The following GRIK2 variants were observed in gnomAD, a reference collection of about 807,000 sequenced individuals.
The protein encoded by GRIK2 is glutamate ionotropic receptor kainate type subunit 2, also known as glutamate receptor ionotropic, kainate 2.
Under a neutral mutation model 100.3 loss-of-function variants are expected in GRIK2, and 32 were observed. The ratio of observed to expected loss-of-function variants is 0.32; its 90% CI spans 0.24 to 0.43. The LOEUF (loss-of-function observed/expected upper bound fraction) is 0.43, where lower values mean the gene tolerates loss of function less well. GRIK2 is among the 20% of genes least tolerant of loss of function. GRIK2 has a pLI of 1.00. For missense variants in GRIK2, 843 were observed against 1,114.9 expected (o/e 0.76, Z 3.47); for synonymous variants, 417 against 389.4 (o/e 1.07, Z -0.83).
intron 14 of GRIK2, among the ~76,000 whole-genome samples, chr6:101,981,180 A>G (rs2128489347): frequency 6.6e-6 from 1 of 151,860 alleles, no homozygotes; most frequent in South Asian, 2.1e-4. Context: ...CACTCCTTCT[A>G]TTTTGTTTCA....
At chr6:101,537,439 T>C (rs2399706) in intron 2 of GRIK2, among the ~76,000 whole-genome samples, 28,749 of 101,806 alleles carry the variant, frequency 0.28, 3,363 homozygotes, top group African/African-American at 0.45. Flanking sequence ...TGTGTGTGTG[T>C]GTTTGTGTGT....
chr6:101,612,565 A>G (rs549476053), intron 2 of GRIK2, among the ~76,000 whole-genome samples: 2 of 151,940 alleles, frequency 1.3e-5, no homozygotes, highest in African/African-American at 4.8e-5. Context: ...AGGAGTTTGC[A>G]TTATGTTTGA....
chr6:101,396,000 A>G (rs1357185263), intron 1 of GRIK2, among the ~76,000 whole-genome samples: 1 of 152,196 alleles, frequency 6.6e-6, no homozygotes, highest in Non-Finnish European at 1.5e-5. Flanking sequence ...CAATAGCAGT[A>G]GTTTTCTCTT....
At chr6:101,799,865 T>C in intron 8 of GRIK2, 74 bp downstream of exon 8, 2 of 1,197,448 alleles carry the variant, frequency 1.7e-6, no homozygotes, top group Non-Finnish European at 2.4e-6. Context: ...TTGTGGTTTT[T>C]CTAGCAAGTG....
chr6:101,485,824 A>G (rs1025335202), intron 2 of GRIK2, among the ~76,000 whole-genome samples: 1 of 152,118 alleles, frequency 6.6e-6, no homozygotes, highest in Non-Finnish European at 1.5e-5. Flanking sequence ...ACTATGATAC[A>G]TGATCCAAAG....
At chr6:101,510,957 A>T (rs1774285120) in intron 2 of GRIK2, among the ~76,000 whole-genome samples, 1 of 152,192 alleles carries the variant, frequency 6.6e-6, no homozygotes, top group Non-Finnish European at 1.5e-5. Flanking sequence ...AAAAGATGAG[A>T]TGTTATGCTT....
chr6:101,417,789 G>A (rs533137343), intron 2 of GRIK2, among the ~76,000 whole-genome samples: 26 of 152,292 alleles, frequency 1.7e-4, no homozygotes, highest in Middle Eastern at 3.4e-3. Context: ...CAGAAAGATT[G>A]GGATTCTAGG....
At chr6:101,718,086 A>G (rs1477851868) in intron 7 of GRIK2, among the ~76,000 whole-genome samples, 2 of 151,822 alleles carry the variant, frequency 1.3e-5, no homozygotes, top group Admixed American at 6.6e-5. Context: ...TGGATTTACA[A>G]TGTTTATTTT....
intron 7 of GRIK2, among the ~76,000 whole-genome samples, chr6:101,771,268 G>A (rs540065527): frequency 3.0e-4 from 46 of 151,318 alleles, no homozygotes; most frequent in South Asian, 1.9e-3. Flanking sequence ...TCAGTGCAAC[G>A]GGTTGTATAA....
intron 7 of GRIK2, among the ~76,000 whole-genome samples, chr6:101,774,027 A>G (rs1025407864): frequency 3.3e-5 from 5 of 152,110 alleles, no homozygotes; most frequent in African/African-American, 1.2e-4. Flanking sequence ...TTTTTTTCAG[A>G]ATATCTCTCT....
At chr6:101,409,918 T>A (rs1204255724) in intron 2 of GRIK2, among the ~76,000 whole-genome samples, 1 of 152,086 alleles carries the variant, frequency 6.6e-6, no homozygotes, top group Non-Finnish European at 1.5e-5. Context: ...CTTTTCTAAA[T>A]TATTCATTAA....
At chr6:101,424,549 TTTC>T (rs1776599021) in intron 2 of GRIK2, among the ~76,000 whole-genome samples, 1 of 150,276 alleles carries the variant, frequency 6.7e-6, no homozygotes, top group Admixed American at 6.6e-5. Flanking sequence ...TGTGCCACAT[TTTC>T]TTTTTTTTTC....
intron 14 of GRIK2, among the ~76,000 whole-genome samples, chr6:101,991,386 G>GT (rs1794366290): frequency 1.0e-5 from 1 of 97,578 alleles, no homozygotes; most frequent in African/African-American, 2.9e-5. Context: ...TATCTTATTT[G>GT]CTATGTTTTT....
intron 10 of GRIK2, among the ~76,000 whole-genome samples, chr6:101,844,676 A>AT (rs1434820822): frequency 1.3e-5 from 2 of 152,234 alleles, no homozygotes; most frequent in African/African-American, 4.8e-5. Context: ...AGTATGGCAC[A>AT]TATAAATAGC....
At chr6:101,394,264 TC>T (rs1372488870) in intron 1 of GRIK2, among the ~76,000 whole-genome samples, 5 of 152,054 alleles carry the variant, frequency 3.3e-5, no homozygotes, top group African/African-American at 1.2e-4. Context: ...TTAACCCTAC[TC>T]CTTAGTTCTG....
chr6:101,627,926 A>T (rs1780538714), intron 4 of GRIK2, among the ~76,000 whole-genome samples: 1 of 152,194 alleles, frequency 6.6e-6, no homozygotes, highest in African/African-American at 2.4e-5. Flanking sequence ...TTTAATTTTC[A>T]TTGAAAGTTA....
intron 7 of GRIK2, among the ~76,000 whole-genome samples, chr6:101,728,881 A>G (rs1219881182): frequency 6.6e-6 from 1 of 152,056 alleles, no homozygotes; most frequent in Non-Finnish European, 1.5e-5. Flanking sequence ...ATTTCATTCT[A>G]TGCAGTTTCC....
chr6:101,925,531 A>G (rs1467797574), intron 13 of GRIK2, among the ~76,000 whole-genome samples: 1 of 152,000 alleles, frequency 6.6e-6, no homozygotes, highest in Admixed American at 6.6e-5. Flanking sequence ...TCAAAATAAA[A>G]TATTTTATTA....
intron 2 of GRIK2, 121 bp downstream of exon 2, chr6:101,399,513 G>T: frequency 1.5e-6 from 1 of 660,496 alleles, no homozygotes; most frequent in East Asian, 2.6e-5. Flanking sequence ...CTGCTCTGTC[G>T]TCTCCTGGGG....
Sources: gnomAD v4.1 joint callset for allele counts (sites outside exome capture counted in the v4.1 genomes callset) on GRCh38, gnomAD v4.1.1 for gene constraint, MANE v1.5 for transcripts, NCBI Gene and HGNC (gene_info 2026-07-23, HGNC 2026-07-21) for gene names.